The following ABCA13 variants were observed in gnomAD, a reference collection of about 807,000 sequenced individuals.
ABCA13 encodes the protein ATP-binding cassette sub-family A member 13.
ABCA13 carries 476 observed loss-of-function variants against 478.7 expected under a neutral mutation model. The ratio of observed to expected loss-of-function variants is 0.99; its 90% CI spans 0.92 to 1.07. The LOEUF is 1.07. Ranked by LOEUF, ABCA13 falls within the 50% of genes least tolerant of loss-of-function variation. The pLI is 0.00. For missense variants in ABCA13, 6,060 were observed against 5,910.6 expected, an observed-to-expected ratio of 1.03 and a Z score of -0.83; for synonymous variants, 2,252 against 2,158.9, an observed-to-expected ratio of 1.04 and a Z score of -1.20.
intron 15 of ABCA13, among the ~76,000 whole-genome samples, chr7:48,255,459 C>T (rs910717101): frequency 6.6e-6 from 1 of 151,848 alleles, no homozygotes; most frequent in African/African-American, 2.4e-5. Flanking sequence ...CTTGCCCACC[C>T]CTCTTTCCCT....
intron 59 of ABCA13, among the ~76,000 whole-genome samples, chr7:48,631,878 C>T (rs1054065740): frequency 6.6e-6 from 1 of 151,972 alleles, no homozygotes; most frequent in Non-Finnish European, 1.5e-5. Context: ...TGTAGAGATC[C>T]TTCACTTCCC....
chr7:48,244,047 C>G (rs1584406360), intron 10 of ABCA13, among the ~76,000 whole-genome samples: 1 of 152,150 alleles, frequency 6.6e-6, no homozygotes, highest in East Asian at 1.9e-4. Flanking sequence ...TTGTTTCTTC[C>G]ATGTCTGGAG....
rs150848030 is a variant in ABCA13, at chr7:48,288,561, A to C, written c.8955+483A>C. ...GCAGTTCTTCCCTTCTCTACGTTTA[A>C]TGACGTTATGGTGGCAGCATGAACT... On this transcript the variant is annotated intron_variant, in intron 20 of 61. Coordinates refer to ENST00000435803, the MANE Select transcript of ABCA13 (RefSeq NM_152701.5). Among the ~76,000 whole-genome samples, 130 of 152,220 alleles carry C rather than the reference A, an allele frequency of 8.5e-4. 1 individual carries two copies. Among genetic ancestry groups the C allele is most frequent in the African/African-American group, 2.9e-3 (122 of 41,502 alleles).
Position 48,285,324 on chromosome 7 carries a change from C to T in ABCA13, c.8837-2636C>T, listed in dbSNP as rs188179864. ...TCCTTGGAGCCAAGAAGAGGGGCCA[C>T]AGCAAGTAGGAAGGGCTGGAGCCAG... On this transcript the variant is annotated intron_variant, in intron 19 of 61. Coordinates refer to ENST00000435803, the MANE Select transcript of ABCA13 (RefSeq NM_152701.5). 2.5e-3 allele frequency among the ~76,000 whole-genome samples: 388 copies of T among 152,234 alleles called. 4 individuals are homozygous for T. The highest frequency in any genetic ancestry group is 9.0e-3 in the African/African-American group (373 of 41,554).
At position 48,392,023 on chromosome 7, in the gene ABCA13, G is replaced by A; in HGVS notation, c.11757G>A (p.Val3919=). The A allele has an allele frequency of 1.2e-6, 2 of 1,614,002 alleles. No homozygotes were observed. The highest frequency in any genetic ancestry group is 1.7e-6 in the Non-Finnish European group (2 of 1,179,884). Reference sequence around the variant, plus strand: ...CGAGGGTCAGAATGGAGCTTGGTGTGTGTCCGCAGCAGGACATCCTGTTGG... The same window carrying A: ...CGAGGGTCAGAATGGAGCTTGGTGTATGTCCGCAGCAGGACATCCTGTTGG... ...DLSRVRMELG[V]CPQQDILLDN... The change falls in exon 38 of 62, where the codon GTG becomes GTA. Residue 3919 remains valine (V), a synonymous_variant. Transcript: ENST00000435803.
In ABCA13 at chr7:48,172,518, G is replaced by A. The variant is rs141490436; in HGVS notation, c.69+966G>A. ...TTTGTACAAAAGTTTTAAGTTGGCC[G>A]GGCGCGGTGGCTCACGCCTGTAATC... On this transcript the variant is annotated intron_variant, in intron 1 of 61. Coordinates refer to ENST00000435803, the MANE Select transcript of ABCA13 (RefSeq NM_152701.5). 3.5e-4 allele frequency among the ~76,000 whole-genome samples: 54 copies of A among 152,204 alleles called. No individual in the cohort carries two copies. In the East Asian group the frequency reaches 6.6e-3, roughly 19 times the overall value.
intron 20 of ABCA13, 43 bp downstream of exon 20, chr7:48,288,121 T>C (rs776630986): frequency 2.3e-5 from 35 of 1,548,248 alleles, no homozygotes; most frequent in Non-Finnish European, 1.6e-5. Flanking sequence ...TGTTCATGAC[T>C]ATTGGCCCTT....
At chr7:48,477,860 T>C (rs1828308583) in intron 45 of ABCA13, among the ~76,000 whole-genome samples, 2 of 151,904 alleles carry the variant, frequency 1.3e-5, no homozygotes, top group Non-Finnish European at 2.9e-5. Context: ...CTGCACATTG[T>C]GCACATGTAC....
chr7:48,544,857 C>G (rs2131152755), intron 55 of ABCA13, among the ~76,000 whole-genome samples: 1 of 151,932 alleles, frequency 6.6e-6, no homozygotes, highest in East Asian at 1.9e-4. Context: ...GTCTTGGGGA[C>G]TGAGCCCTCA....
chr7:48,341,825 A>G (rs1473192799), intron 29 of ABCA13, among the ~76,000 whole-genome samples: 1 of 89,694 alleles, frequency 1.1e-5, no homozygotes, highest in African/African-American at 3.8e-5. Context: ...ATATATATAT[A>G]TCTTTCTGAT....
At chr7:48,302,213 C>G (rs180761752) in intron 23 of ABCA13, among the ~76,000 whole-genome samples, 7 of 152,140 alleles carry the variant, frequency 4.6e-5, no homozygotes, top group African/African-American at 1.7e-4. Flanking sequence ...TACTGCTTGC[C>G]GATGGGTTTC....
At chr7:48,622,065 C>T (rs1016495550) in intron 59 of ABCA13, among the ~76,000 whole-genome samples, 1 of 152,096 alleles carries the variant, frequency 6.6e-6, no homozygotes, top group African/African-American at 2.4e-5. Flanking sequence ...CCAGCGCTTC[C>T]CTTCTTCTCT....
chr7:48,230,131 C>G (rs1025608003), intron 7 of ABCA13, among the ~76,000 whole-genome samples, 176 bp downstream of exon 7: 1 of 152,116 alleles, frequency 6.6e-6, no homozygotes, highest in Non-Finnish European at 1.5e-5. Flanking sequence ...ATTTTGAACT[C>G]GAAACTGAAT....
chr7:48,549,893 A>G (rs1009628075), intron 55 of ABCA13, among the ~76,000 whole-genome samples: 2 of 151,812 alleles, frequency 1.3e-5, no homozygotes, highest in African/African-American at 4.8e-5. Context: ...TCCTTTGCCC[A>G]CTTTTTGATG....
intron 23 of ABCA13, among the ~76,000 whole-genome samples, chr7:48,309,437 T>C (rs1801425107): frequency 1.3e-5 from 2 of 152,172 alleles, no homozygotes; most frequent in Admixed American, 1.3e-4. Context: ...CAGTGCCTCC[T>C]TCTGAGTGTA....
At chr7:48,231,169 A>T (rs1425084808) in intron 7 of ABCA13, among the ~76,000 whole-genome samples, 2 of 139,752 alleles carry the variant, frequency 1.4e-5, no homozygotes, top group African/African-American at 5.5e-5. Context: ...ACTTAAAGTT[A>T]AAAAAAAAAA....
intron 42 of ABCA13, among the ~76,000 whole-genome samples, chr7:48,434,749 C>T (rs770076455): frequency 6.6e-6 from 1 of 151,926 alleles, no homozygotes; most frequent in East Asian, 1.9e-4. Flanking sequence ...TTCCCCACAT[C>T]AGTTATGGAA....
intron 43 of ABCA13, among the ~76,000 whole-genome samples, chr7:48,455,954 T>G (rs1436667478): frequency 6.6e-6 from 1 of 152,244 alleles, no homozygotes. Flanking sequence ...TTGCCTTAGT[T>G]TAGCGGGCTC....
chr7:48,344,381 C>T (rs1239612207), intron 29 of ABCA13, among the ~76,000 whole-genome samples: 1 of 152,224 alleles, frequency 6.6e-6, no homozygotes, highest in Non-Finnish European at 1.5e-5. Context: ...AAACAAATTT[C>T]AGGAGGAGAC....
Sources: gnomAD v4.1 joint callset for allele counts (sites outside exome capture counted in the v4.1 genomes callset) on GRCh38, gnomAD v4.1.1 for gene constraint, MANE v1.5 for transcripts, NCBI Gene and HGNC (gene_info 2026-07-23, HGNC 2026-07-21) for gene names.